Variants in PARD3B observed in about 807,000 individuals in gnomAD.
The protein encoded by PARD3B is partitioning defective 3 homolog B.
A neutral mutation model predicts 130.2 loss-of-function variants in PARD3B; 103 were observed. That is an observed-to-expected ratio of 0.79 (90% confidence interval 0.67 to 0.93). The LOEUF (loss-of-function observed/expected upper bound fraction) is 0.93. Ranked by LOEUF, PARD3B falls within the 40% of genes least tolerant of loss-of-function variation. The pLI is 0.00. For missense variants in PARD3B, 1,609 were observed against 1,499.2 expected, an observed-to-expected ratio of 1.07 and a Z score of -1.21; for synonymous variants, 583 against 553.2, an observed-to-expected ratio of 1.05 and a Z score of -0.76.
chr2:205,391,484 G>A (rs143575750), intron 18 of PARD3B, among the ~76,000 whole-genome samples: 230 of 152,260 alleles, frequency 1.5e-3, no homozygotes, highest in African/African-American at 5.3e-3. Context: ...TTAACAAAAA[G>A]AAAAGCTTTT....
intron 18 of PARD3B, among the ~76,000 whole-genome samples, chr2:205,311,208 T>A (rs2042375379): frequency 6.6e-6 from 1 of 151,962 alleles, no homozygotes; most frequent in East Asian, 1.9e-4. Flanking sequence ...ATTGCTGGAG[T>A]ATATGGTAGT....
At chr2:205,596,309 T>G (rs1168068601) in intron 22 of PARD3B, among the ~76,000 whole-genome samples, 1 of 152,174 alleles carries the variant, frequency 6.6e-6, no homozygotes, top group African/African-American at 2.4e-5. Context: ...CACAGTTCAG[T>G]AACCTTTGTG....
At chr2:204,872,531 A>G (rs1023463203) in intron 2 of PARD3B, among the ~76,000 whole-genome samples, 2 of 152,070 alleles carry the variant, frequency 1.3e-5, no homozygotes, top group South Asian at 2.1e-4. Context: ...TGAGCTAGCT[A>G]TGCGGTTTTC....
intron 18 of PARD3B, among the ~76,000 whole-genome samples, chr2:205,391,664 G>T (rs774908255): frequency 3.3e-5 from 5 of 152,152 alleles, no homozygotes; most frequent in African/African-American, 1.2e-4. Context: ...AGTTCACTGC[G>T]CTCCTGAAGA....
rs576473543 is a variant in PARD3B, at chr2:205,043,246, T to A, written c.395-4335T>A. Among the ~76,000 whole-genome samples, 4 of 152,294 alleles carry A rather than the reference T, an allele frequency of 2.6e-5. No homozygotes were observed. In the East Asian group the frequency reaches 7.7e-4, roughly 29 times the overall value. On this transcript the variant is annotated intron_variant, in intron 3 of 22. Transcript: ENST00000406610. ...AAAATTAACTTGACTTTCAAGAGCC[T>A]GGCTTTTTAAGCAGACGAGATAACA...
At chr2:204,992,916 G>GA (rs1220650533) in intron 3 of PARD3B, among the ~76,000 whole-genome samples, 1 of 136,152 alleles carries the variant, frequency 7.3e-6, no homozygotes, top group Non-Finnish European at 1.6e-5. Context: ...TGTGATTTTT[G>GA]TACATTGATT....
intron 1 of PARD3B, among the ~76,000 whole-genome samples, chr2:204,663,661 C>T (rs1350667291): frequency 6.6e-6 from 1 of 152,184 alleles, no homozygotes; most frequent in Non-Finnish European, 1.5e-5. Context: ...TGAGCTACCT[C>T]TTTGAGCCTT....
intron 19 of PARD3B, among the ~76,000 whole-genome samples, chr2:205,428,231 G>A (rs990273034): frequency 1.3e-5 from 2 of 152,030 alleles, no homozygotes; most frequent in African/African-American, 4.8e-5. Flanking sequence ...AAAAAATTAC[G>A]AAAATTAGCC....
At chr2:205,565,471 A>AGTG (rs1185869291) in intron 22 of PARD3B, among the ~76,000 whole-genome samples, 1 of 152,150 alleles carries the variant, frequency 6.6e-6, no homozygotes, top group Non-Finnish European at 1.5e-5. Context: ...GTTTCTAGCC[A>AGTG]GTGTTTTATA....
At chr2:204,991,762 TG>T (rs1279782462) in intron 3 of PARD3B, among the ~76,000 whole-genome samples, 1 of 151,852 alleles carries the variant, frequency 6.6e-6, no homozygotes, top group African/African-American at 2.4e-5. Flanking sequence ...TTTTAATGAT[TG>T]CCATTCTAAC....
intron 21 of PARD3B, among the ~76,000 whole-genome samples, chr2:205,501,564 A>G (rs920649386): frequency 1.3e-5 from 2 of 152,236 alleles, no homozygotes; most frequent in African/African-American, 2.4e-5. Context: ...CAAACAAGCA[A>G]TAAAATAAAG....
At chr2:204,762,121 T>A in intron 2 of PARD3B, among the ~76,000 whole-genome samples, 1 of 123,286 alleles carries the variant, frequency 8.1e-6, no homozygotes, top group Middle Eastern at 4.0e-3. Context: ...TTTCTATTTT[T>A]TTTTTTTTTT....
At position 204,924,334 on chromosome 2, in the gene PARD3B, A is replaced by G. The variant is rs527608988; in HGVS notation, c.223-40818A>G. ...ATGAAATCTTCCCATTCATTTGGTA[A>G]TGGGACATTGATTATAACATTGGTA... On this transcript the variant is annotated intron_variant, in intron 2 of 22. Transcript: ENST00000406610. Among the ~76,000 whole-genome samples, 104 of 152,190 alleles carry G rather than the reference A, an allele frequency of 6.8e-4. 3 individuals carry two copies. The highest frequency in any genetic ancestry group is 3.7e-4 in the Non-Finnish European group (25 of 67,946).
chr2:205,412,736 T>C (rs1037789604), intron 19 of PARD3B, among the ~76,000 whole-genome samples: 1 of 152,244 alleles, frequency 6.6e-6, no homozygotes, highest in Non-Finnish European at 1.5e-5. Flanking sequence ...CCATTTCTAG[T>C]ACCATTTCTG....
chr2:205,334,223 T>TG (rs771587229), intron 18 of PARD3B, among the ~76,000 whole-genome samples: 2 of 152,242 alleles, frequency 1.3e-5, no homozygotes, highest in African/African-American at 2.4e-5. Flanking sequence ...TGCTCGTGCA[T>TG]GTGTGCAAGA....
chr2:204,923,963 AC>A (rs1437277035), intron 2 of PARD3B, among the ~76,000 whole-genome samples: 6 of 152,046 alleles, frequency 3.9e-5, no homozygotes, highest in Non-Finnish European at 7.4e-5. Flanking sequence ...ACATGTTACA[AC>A]TGTGTTATTT....
intron 18 of PARD3B, among the ~76,000 whole-genome samples, chr2:205,319,774 C>T (rs1406668951): frequency 6.6e-6 from 1 of 152,212 alleles, no homozygotes; most frequent in Non-Finnish European, 1.5e-5. Context: ...GAAATAGTAA[C>T]TAACAATCAG....
At chr2:204,953,416 CACACAGAGAGAG>C (rs1401869273) in intron 2 of PARD3B, among the ~76,000 whole-genome samples, 7 of 100,982 alleles carry the variant, frequency 6.9e-5, no homozygotes, top group Non-Finnish European at 1.2e-4. Flanking sequence ...AACATACACA[CACACAGAGAGAG>C]AGAGAGAGAG....
chr2:204,776,740 A>G (rs573819220), intron 2 of PARD3B, among the ~76,000 whole-genome samples: 1 of 152,120 alleles, frequency 6.6e-6, no homozygotes, highest in South Asian at 2.1e-4. Context: ...AAGTTGAACC[A>G]GAGGAATTCG....
Sources: allele counts gnomAD v4.1 joint callset (sites outside exome capture counted in the v4.1 genomes callset), GRCh38; gene constraint gnomAD v4.1.1; transcripts MANE v1.5; gene names NCBI Gene and HGNC (gene_info 2026-07-23, HGNC 2026-07-21).